The following FAP variants were observed in gnomAD, a reference collection of about 807,000 sequenced individuals.
FAP encodes the protein fibroblast activation protein alpha, also known as prolyl endopeptidase FAP.
In FAP, 110 loss-of-function variants were observed where a neutral mutation model predicts 126.5. The ratio of observed to expected loss-of-function variants is 0.87; its 90% CI spans 0.74 to 1.02. FAP has a LOEUF of 1.02. FAP is among the 50% of genes least tolerant of loss of function. FAP has a pLI of 0.00. For synonymous variants in FAP, 334 were observed against 297.3 expected (o/e 1.12, Z -1.27); for missense variants, 919 against 909.2 (o/e 1.01, Z -0.14).
Position 162,173,195 on chromosome 2 carries a change from T to A in FAP, c.2061A>T (p.Glu687Asp), listed in dbSNP as rs1398180102. ...YKNSTVMARA[E>D]YFRNVDYLLI... The stretch of plus-strand genomic sequence containing the variant: ...GAAGATAGTCTACATTTCTGAAATA[T>A]TCTGCTCTTGCCATCACAGTTGAAT... Residue 687 changes from glutamate to aspartate, a missense_variant, in exon 24 of 26, where the codon GAA becomes GAT. Glu to Asp is a conservative substitution (Grantham distance 45). Coordinates refer to ENST00000188790, the MANE Select transcript of FAP (RefSeq NM_004460.5). The A allele has an allele frequency of 1.9e-6, 3 of 1,613,090 alleles. No individual in the cohort carries two copies. The highest frequency in any genetic ancestry group is 2.5e-6 in the Non-Finnish European group (3 of 1,179,294).
In FAP at chr2:162,226,523, C is replaced by A; in HGVS notation, c.190G>T (p.Gly64Ter). The A allele has an allele frequency of 6.6e-7, 1 of 1,523,900 alleles. No individual in the cohort carries two copies. Among genetic ancestry groups the A allele is most frequent in the Non-Finnish European group, 9.0e-7 (1 of 1,110,058 alleles). The allele number at this position is 1,523,900 out of a possible 1,614,324, so 94.4% of individuals were successfully genotyped here. A position where few individuals can be genotyped will look rare whatever the true frequency, so the allele number is the denominator to read the frequency against. Reference sequence around the variant, plus strand: ...CCCTAAAGATAAATAATGCACTTACCTGAAATCCAGTTTGGAAAAAATGTT... The same window carrying A: ...CCCTAAAGATAAATAATGCACTTACATGAAATCCAGTTTGGAAAAAATGTT... ...YKTFFPNWIS[G>*]QEYLHQSADN... is the part of the protein sequence containing the mutation. The change falls in exon 3 of 26, where the codon GGA becomes TGA. Residue 64 changes from glycine to a stop codon, truncating the protein, a stop_gained and splice_region_variant. Coordinates refer to ENST00000188790, the MANE Select transcript of FAP (RefSeq NM_004460.5). LOFTEE classifies it high-confidence loss of function.
At chr2:162,179,252 T>G (rs961865918) in intron 21 of FAP, among the ~76,000 whole-genome samples, 10 of 151,678 alleles carry the variant, frequency 6.6e-5, no homozygotes, top group African/African-American at 2.2e-4. Flanking sequence ...CAGGTTTTTT[T>G]TTTTTTTTTT....
intron 14 of FAP, among the ~76,000 whole-genome samples, chr2:162,202,560 C>T (rs1255919443): frequency 2.0e-5 from 3 of 152,156 alleles, no homozygotes. Flanking sequence ...AATTTTGAAA[C>T]TTGTTCATTG....
intron 9 of FAP, among the ~76,000 whole-genome samples, chr2:162,217,337 C>A (rs759951434): frequency 7.2e-5 from 11 of 152,164 alleles, no homozygotes; most frequent in Non-Finnish European, 1.6e-4. Context: ...TTTCTGATAT[C>A]ATTTTTACAT....
chr2:162,171,226 A>AT, intron 25 of FAP, 146 bp from the exon 26 acceptor site: 1 of 588,856 alleles, frequency 1.7e-6, no homozygotes, highest in South Asian at 2.2e-5. Flanking sequence ...AATAGCTTAC[A>AT]TGTAAATATT....
In FAP at chr2:162,202,955, A is replaced by G; in HGVS notation, c.1153-13T>C. The G allele has an allele frequency of 6.2e-7, 1 of 1,611,702 alleles. No homozygotes were observed. The highest frequency in any genetic ancestry group is 2.2e-5 in the East Asian group (1 of 44,852). On this transcript the variant is annotated splice_polypyrimidine_tract_variant and intron_variant, in intron 13 of 25. Transcript: ENST00000188790. The stretch of plus-strand genomic sequence containing the variant: ...GAATAGCATTTTCCTATAAAAAGAC[A>G]AACATTATGTTGTGTGAAACTGAGC...
chr2:162,219,957 A>G (rs1237429719), intron 6 of FAP, 32 bp from the exon 7 acceptor site: 4 of 1,457,404 alleles, frequency 2.7e-6, no homozygotes, highest in South Asian at 1.2e-5. Context: ...AAAACAACAA[A>G]CCTTGCTGTT....
Position 162,219,099 on chromosome 2 carries a change from T to A in FAP, c.571A>T (p.Lys191Ter), listed in dbSNP as rs774832602. 6.2e-7 allele frequency: 1 copy of A among 1,605,946 alleles called. No individual in the cohort carries two copies. Among genetic ancestry groups the A allele is most frequent in the African/African-American group, 1.3e-5 (1 of 74,734 alleles). Residue 191 changes from lysine (K) to a stop codon, truncating the protein, a stop_gained, in exon 8 of 26, where the codon AAA (lysine) becomes TAA (stop). Transcript: ENST00000188790. LOFTEE classifies it high-confidence loss of function. ...FQITFNGRENKIFNGIPDWVY... is the reference protein window; with the variant it reads ...FQITFNGREN ...CAGTCTGGGATTCCATTAAATATTT[T>A]ATTTTCTCTTCCATTAAATGTTATT...
chr2:162,232,114 A>G (rs986221942), intron 2 of FAP, among the ~76,000 whole-genome samples: 7 of 152,188 alleles, frequency 4.6e-5, no homozygotes, highest in African/African-American at 1.7e-4. Context: ...TACTATTTAC[A>G]AGCTAATATG....
intron 5 of FAP, 82 bp downstream of exon 5, chr2:162,224,384 T>C: frequency 1.3e-6 from 1 of 785,436 alleles, no homozygotes; most frequent in Non-Finnish European, 2.2e-6. Flanking sequence ...AGACAGACTC[T>C]TGCTTTCTCT....
At position 162,198,798 on chromosome 2, in the gene FAP, C is replaced by G. The variant is rs1301525134; in HGVS notation, c.1361G>C (p.Ser454Thr). ...ATAGTACTTGGCGTAGTCGCTGAAACTTGCTGTGTAATATTGGCACCTTTC... is the reference window on the plus strand; with the variant it reads ...ATAGTACTTGGCGTAGTCGCTGAAAGTTGCTGTGTAATATTGGCACCTTTC... The part of the protein sequence containing the change: ...RKERCQYYTA[S>T]FSDYAKYYAL... The change falls in exon 16 of 26, where the codon AGT (serine) becomes ACT (threonine). Residue 454 changes from serine to threonine, a missense_variant. Physicochemically the swap from Ser to Thr is moderately conservative, Grantham distance 58. Transcript: ENST00000188790. 4 of 1,614,036 alleles carry G rather than the reference C, an allele frequency of 2.5e-6. No homozygotes were observed. The highest frequency in any genetic ancestry group is 3.4e-6 in the Non-Finnish European group (4 of 1,179,990).
intron 11 of FAP, among the ~76,000 whole-genome samples, chr2:162,211,035 G>T (rs1490707433): frequency 2.0e-5 from 3 of 152,138 alleles, no homozygotes; most frequent in African/African-American, 4.8e-5. Context: ...TAGGGATACG[G>T]GCAGGAAATG....
intron 6 of FAP, chr2:162,221,805 A>G (rs1689414409): frequency 2.2e-6 from 1 of 450,130 alleles, no homozygotes; most frequent in African/African-American, 2.0e-5. Context: ...CTAGCTTGAA[A>G]CCAGTAGTTT....
In FAP at chr2:162,189,639, T is replaced by G; in HGVS notation, c.1549+17A>C. ...CAGCTTCATATCTATAAATGAGAAG[T>G]TTTTAAAAGATCTTACTAATTTCAT... On this transcript the variant is annotated intron_variant, in intron 18 of 25. Coordinates refer to ENST00000188790, the MANE Select transcript of FAP (RefSeq NM_004460.5). 4 of 1,399,930 alleles carry G rather than the reference T, an allele frequency of 2.9e-6. No individual in the cohort carries two copies. Among genetic ancestry groups the G allele is most frequent in the Non-Finnish European group, 4.0e-6 (4 of 1,003,102 alleles). The allele number at this position is 1,399,930 out of a possible 1,614,324, so 86.7% of individuals were successfully genotyped here.
chr2:162,170,831 CTCA>C lies in FAP; in HGVS notation c.*145_*147del. 1.7e-6 allele frequency: 1 copy of C among 588,948 alleles called. No individual in the cohort carries two copies. The highest frequency in any genetic ancestry group is 3.0e-6 in the Non-Finnish European group (1 of 335,782). 36.5% of individuals were successfully genotyped at this position (588,948 alleles called of 1,614,324 possible). A position where few individuals can be genotyped will look rare whatever the true frequency, so the allele number is the denominator to read the frequency against. On this transcript the variant is annotated 3_prime_UTR_variant, in exon 26 of 26. Coordinates refer to ENST00000188790, the MANE Select transcript of FAP (RefSeq NM_004460.5). ...AATATTTAGCTTGAACTTCTGAGTCCTCATCTTTTTTTTAACAGCCTTTAGAAC... is the reference window on the plus strand; with the variant it reads ...AATATTTAGCTTGAACTTCTGAGTCCTCTTTTTTTTAACAGCCTTTAGAAC...
At chr2:162,175,220 G>T in intron 21 of FAP, 1 of 239,382 alleles carries the variant, frequency 4.2e-6, no homozygotes, top group Non-Finnish European at 8.0e-6. Context: ...CATGGTAGGA[G>T]CAGTTTAAGA....
rs201357662 is a variant in FAP at position 162,194,691 on chromosome 2, G to T, written c.1450+10C>A. ...TTGAGACAAGATAGATAACATGCAA[G>T]AGAGAGTACCTTGATCAGTGCGTCC... On this transcript the variant is annotated intron_variant, in intron 17 of 25. Transcript: ENST00000188790. The T allele has an allele frequency of 3.7e-6, 6 of 1,612,912 alleles. No homozygotes were observed. In the Admixed American group the frequency reaches 1.0e-4, roughly 27 times the overall value.
intron 20 of FAP, among the ~76,000 whole-genome samples, chr2:162,185,133 T>C (rs917924567): frequency 6.6e-6 from 1 of 152,204 alleles, no homozygotes; most frequent in African/African-American, 2.4e-5. Context: ...TTGTAAATAC[T>C]GTTGATAATG....
chr2:162,178,009 C>G (rs561891342), intron 21 of FAP, among the ~76,000 whole-genome samples: 3 of 152,174 alleles, frequency 2.0e-5, no homozygotes, highest in Non-Finnish European at 2.9e-5. Context: ...ACACTTGTCT[C>G]AGCAACCCAT....
Sources: gnomAD v4.1 joint callset for allele counts (sites outside exome capture counted in the v4.1 genomes callset) on GRCh38, gnomAD v4.1.1 for gene constraint, MANE v1.5 for transcripts, NCBI Gene and HGNC (gene_info 2026-07-23, HGNC 2026-07-21) for gene names.